The following CNTNAP2 variants were observed in gnomAD, a reference collection of about 807,000 sequenced individuals.
CNTNAP2 encodes contactin associated protein 2.
CNTNAP2 carries 98 observed loss-of-function variants against 155.2 expected under a neutral mutation model. That is an observed-to-expected ratio of 0.63 (90% confidence interval 0.54 to 0.75). CNTNAP2 has a LOEUF of 0.75. Among genes scored for constraint, CNTNAP2 ranks in the 30% least tolerant of loss-of-function variants. The pLI is 0.00. For missense variants in CNTNAP2, 1,727 were observed against 1,688.1 expected, an observed-to-expected ratio of 1.02 and a Z score of -0.40; for synonymous variants, 651 against 631.2, an observed-to-expected ratio of 1.03 and a Z score of -0.47.
intron 1 of CNTNAP2, among the ~76,000 whole-genome samples, chr7:146,148,114 C>T (rs1402380919): frequency 6.6e-6 from 1 of 152,030 alleles, no homozygotes; most frequent in Non-Finnish European, 1.5e-5. Flanking sequence ...CTATAGTGCT[C>T]ACCTTGATGA....
intron 3 of CNTNAP2, among the ~76,000 whole-genome samples, chr7:146,940,351 C>T (rs1797025390): frequency 6.6e-6 from 1 of 152,008 alleles, no homozygotes; most frequent in Non-Finnish European, 1.5e-5. Context: ...CGCCCGCCAC[C>T]ACGTCCAGCT....
At chr7:146,847,127 T>G (rs1036258549) in intron 3 of CNTNAP2, among the ~76,000 whole-genome samples, 1 of 148,900 alleles carries the variant, frequency 6.7e-6, no homozygotes, top group Non-Finnish European at 1.5e-5. Context: ...AAATACATAG[T>G]TATATAATGT....
chr7:147,637,160 G>C (rs1285737263), intron 12 of CNTNAP2, among the ~76,000 whole-genome samples: 2 of 152,160 alleles, frequency 1.3e-5, no homozygotes, highest in East Asian at 1.9e-4. Context: ...GCCATTGAAG[G>C]CTTTGAGCAG....
intron 21 of CNTNAP2, among the ~76,000 whole-genome samples, chr7:148,339,257 G>GAAA (rs11454206): frequency 1.6e-3 from 225 of 140,954 alleles, no homozygotes; most frequent in Non-Finnish European, 2.9e-3. Flanking sequence ...CCCAAACATC[G>GAAA]AAAAAAAAAA....
chr7:148,381,867 T>C (rs570451993), intron 21 of CNTNAP2, among the ~76,000 whole-genome samples: 18 of 2,724 alleles, frequency 6.6e-3, no homozygotes, highest in African/African-American at 7.4e-3. Context: ...TTACTGCACA[T>C]TGGCCCCCCC....
chr7:148,193,160 T>C (rs1352365571), intron 18 of CNTNAP2, among the ~76,000 whole-genome samples: 1 of 152,190 alleles, frequency 6.6e-6, no homozygotes, highest in East Asian at 1.9e-4. Context: ...TATTTTCAGA[T>C]CAAATAATAG....
intron 1 of CNTNAP2, among the ~76,000 whole-genome samples, chr7:146,730,670 T>A (rs2129179328): frequency 6.6e-6 from 1 of 152,320 alleles, no homozygotes; most frequent in Middle Eastern, 3.4e-3. Flanking sequence ...CTGTTTTATT[T>A]ACATTTGTGA....
chr7:146,939,362 T>C (rs1202693621), intron 3 of CNTNAP2, among the ~76,000 whole-genome samples: 1 of 152,236 alleles, frequency 6.6e-6, no homozygotes, highest in East Asian at 1.9e-4. Context: ...GAATTCAATA[T>C]AGCAAATGTG....
intron 1 of CNTNAP2, among the ~76,000 whole-genome samples, chr7:146,634,392 A>G (rs1484924990): frequency 1.3e-5 from 2 of 152,216 alleles, no homozygotes; most frequent in Non-Finnish European, 2.9e-5. Context: ...TTAAAAATGG[A>G]GGAAATAATG....
chr7:146,929,698 T>G (rs1016119443), intron 3 of CNTNAP2, among the ~76,000 whole-genome samples: 2 of 151,982 alleles, frequency 1.3e-5, no homozygotes, highest in African/African-American at 2.4e-5. Context: ...TGAAAAAAAT[T>G]TAGACAAAAG....
At chr7:146,477,391 T>C (rs1021154951) in intron 1 of CNTNAP2, among the ~76,000 whole-genome samples, 1 of 152,190 alleles carries the variant, frequency 6.6e-6, no homozygotes, top group Non-Finnish European at 1.5e-5. Context: ...GATTCCATTA[T>C]ACATATTTTA....
intron 3 of CNTNAP2, among the ~76,000 whole-genome samples, chr7:146,850,538 T>C (rs1230648122): frequency 2.6e-5 from 4 of 152,158 alleles, no homozygotes; most frequent in Admixed American, 2.6e-4. Context: ...AAACAACTAA[T>C]ATGTGAGGAT....
chr7:146,152,458 G>A (rs78770376), intron 1 of CNTNAP2, among the ~76,000 whole-genome samples: 2,356 of 152,146 alleles, frequency 0.015, 53 homozygotes, highest in African/African-American at 0.052. Context: ...ATTGTACAAC[G>A]TGGTAGCTAT....
intron 12 of CNTNAP2, among the ~76,000 whole-genome samples, chr7:147,587,578 G>A (rs6967042): frequency 0.68 from 104,088 of 152,004 alleles, 36,087 homozygotes; most frequent in African/African-American, 0.78. Flanking sequence ...GCTGCTGAAC[G>A]TCATGCTTAT....
At chr7:147,390,860 T>G (rs1796702331) in intron 9 of CNTNAP2, among the ~76,000 whole-genome samples, 2 of 152,108 alleles carry the variant, frequency 1.3e-5, no homozygotes, top group Non-Finnish European at 2.9e-5. Flanking sequence ...TCTTGGAGAT[T>G]GATTGCCGGT....
chr7:148,308,449 C>T (rs1374228858), intron 21 of CNTNAP2, among the ~76,000 whole-genome samples: 3 of 151,942 alleles, frequency 2.0e-5, no homozygotes, highest in Admixed American at 1.3e-4. Context: ...ACATCTGTGC[C>T]ATTTTTAAAT....
intron 1 of CNTNAP2, among the ~76,000 whole-genome samples, chr7:146,142,445 GA>G (rs1440279079): frequency 6.6e-6 from 1 of 152,012 alleles, no homozygotes; most frequent in East Asian, 1.9e-4. Context: ...GTCTATGAAA[GA>G]AAAGAGAAAA....
chr7:146,957,003 G>A (rs186953178), intron 3 of CNTNAP2, among the ~76,000 whole-genome samples: 1 of 152,256 alleles, frequency 6.6e-6, no homozygotes, highest in East Asian at 1.9e-4. Context: ...TTCTCATCAT[G>A]TGAGCATCAT....
intron 1 of CNTNAP2, among the ~76,000 whole-genome samples, chr7:146,332,084 CAA>C: frequency 6.6e-6 from 1 of 151,750 alleles, no homozygotes; most frequent in Non-Finnish European, 1.5e-5. Flanking sequence ...GATACACACA[CAA>C]ATATATATGG....
Sources: allele counts gnomAD v4.1 joint callset (sites outside exome capture counted in the v4.1 genomes callset), GRCh38; gene constraint gnomAD v4.1.1; transcripts MANE v1.5; gene names NCBI Gene and HGNC (gene_info 2026-07-23, HGNC 2026-07-21).